Variants in SLC12A5 observed in about 807,000 individuals in gnomAD.
SLC12A5 encodes the protein solute carrier family 12 member 5.
SLC12A5 carries 18 observed loss-of-function variants against 124.0 expected under a neutral mutation model. The ratio of observed to expected loss-of-function variants is 0.15; its 90% CI spans 0.10 to 0.22. The LOEUF is 0.22. Among genes scored for constraint, SLC12A5 ranks in the 10% least tolerant of loss-of-function variants. The probability of loss-of-function intolerance (pLI) is 1.00; values close to 1 mark genes in which losing one functional copy is unlikely to be tolerated. For synonymous variants in SLC12A5, 589 were observed against 568.0 expected (o/e 1.04, Z -0.53); for missense variants, 867 against 1,478.7 (o/e 0.59, Z 6.78).
At position 46,053,504 on chromosome 20, in the gene SLC12A5, C is replaced by A; in HGVS notation, c.2548-74C>A. 4 of 1,578,766 alleles carry A rather than the reference C, an allele frequency of 2.5e-6. No homozygotes were observed. Among genetic ancestry groups the A allele is most frequent in the South Asian group, 1.1e-5 (1 of 88,852 alleles). On this transcript the variant is annotated intron_variant, in intron 19 of 25. Transcript: ENST00000243964. This position sits in a 1 kb window ranked among gnomAD's most constrained non-coding sequence, Gnocchi z 4.7. ...TGGGTGGGAAGAGGGGAAGGGTGAG[C>A]GGACAGGGCCTGGCCCTGGATCTCC...
intron 16 of SLC12A5, among the ~76,000 whole-genome samples, chr20:46,048,604 G>A (rs941211786): frequency 1.3e-5 from 2 of 152,128 alleles, no homozygotes; most frequent in Non-Finnish European, 2.9e-5. Flanking sequence ...GAGCGCGGTG[G>A]CTCATGCCTG....
At chr20:46,051,606 A>G in intron 17 of SLC12A5, 69 bp from the exon 18 acceptor site, 1 of 1,432,100 alleles carries the variant, frequency 7.0e-7, no homozygotes, top group Non-Finnish European at 9.6e-7. Flanking sequence ...GGAGGGAAGG[A>G]GGCTACAATG....
At chr20:46,024,579 G>A (rs1202377855), upstream of SLC12A5, among the ~76,000 whole-genome samples, 1 of 152,236 alleles carries the variant, frequency 6.6e-6, no homozygotes. Flanking sequence ...CTAAGACTGG[G>A]AAAGGTTGGG....
chr20:46,029,068 C>G (rs867143390), upstream of SLC12A5: 61 of 1,231,136 alleles, frequency 5.0e-5, no homozygotes, highest in Non-Finnish European at 6.1e-5. Flanking sequence ...TCTCTTCTCT[C>G]TCCCTCCCGC....
chr20:46,036,696 C>T (rs202032497), intron 4 of SLC12A5, 45 bp from the exon 5 acceptor site: 73 of 1,610,150 alleles, frequency 4.5e-5, no homozygotes, highest in African/African-American at 3.9e-4. Context: ...CAGGCCACTG[C>T]GGCCCCTACC....
chr20:46,053,479 T>G lies in SLC12A5; in HGVS notation c.2548-99T>G. On this transcript the variant is annotated intron_variant, in intron 19 of 25. Transcript: ENST00000243964. The surrounding 1 kb of genome is among the most constrained non-coding windows in gnomAD (Gnocchi z 4.7). Reference sequence around the variant, plus strand: ...GGGGTCTGCATGTATGTGTGAGGAGTGGGTGGGAAGAGGGGAAGGGTGAGC... The same window carrying G: ...GGGGTCTGCATGTATGTGTGAGGAGGGGGTGGGAAGAGGGGAAGGGTGAGC... 6.7e-7 allele frequency: 1 copy of G among 1,500,766 alleles called. No individual in the cohort carries two copies. Among genetic ancestry groups the G allele is most frequent in the Non-Finnish European group, 9.1e-7 (1 of 1,100,140 alleles). 93.0% of individuals were successfully genotyped at this position (1,500,766 alleles called of 1,614,324 possible).
At chr20:46,022,183 C>G (rs2084361876) in intron 1 of SLC12A5, 1 of 269,626 alleles carries the variant, frequency 3.7e-6, no homozygotes, top group Non-Finnish European at 6.9e-6. Flanking sequence ...ATGGAAAGGC[C>G]GGGGTCAAGG....
At chr20:46,043,597 C>T (rs769363906) in intron 9 of SLC12A5, 36 bp from the exon 10 acceptor site, 1 of 1,607,706 alleles carries the variant, frequency 6.2e-7, no homozygotes, top group South Asian at 1.1e-5. Flanking sequence ...CTCCTGTGGC[C>T]CTGGCTTGAG....
Position 46,059,339 on chromosome 20 carries a change from G to C in SLC12A5, c.*1734G>C, listed in dbSNP as rs2084730027. The C allele has an allele frequency of 5.3e-6, 2 of 377,898 alleles. No homozygotes were observed. The highest frequency in any genetic ancestry group is 9.4e-6 in the Non-Finnish European group (2 of 213,616). 23.4% of individuals were successfully genotyped at this position (377,898 alleles called of 1,614,324 possible). A position where few individuals can be genotyped will look rare whatever the true frequency, so the allele number is the denominator to read the frequency against. On this transcript the variant is annotated 3_prime_UTR_variant, in exon 26 of 26. Coordinates refer to ENST00000243964, the MANE Select transcript of SLC12A5 (RefSeq NM_020708.5). ...ACAGCGTCAGGTGTGGCTGGGGTAG[G>C]TTTGGAGGTCTGCCAGTTACACCAA... is the stretch of plus-strand genomic sequence containing the variant.
At chr20:46,040,970 A>G in intron 7 of SLC12A5, 1 of 400,324 alleles carries the variant, frequency 2.5e-6, no homozygotes, top group Non-Finnish European at 4.6e-6. Context: ...CTAGTGTTGG[A>G]CAACTCCTCC....
At chr20:46,037,119 C>A in intron 5 of SLC12A5, 136 bp from the exon 6 acceptor site, 1 of 1,312,404 alleles carries the variant, frequency 7.6e-7, no homozygotes, top group Non-Finnish European at 1.0e-6. Context: ...CTCACCAGTC[C>A]CCTTTCTAGG....
intron 14 of SLC12A5, among the ~76,000 whole-genome samples, chr20:46,046,826 G>T (rs1431966873): frequency 1.3e-5 from 2 of 152,216 alleles, no homozygotes; most frequent in Non-Finnish European, 2.9e-5. Flanking sequence ...AAATGGGCAT[G>T]ATAGCTGCAC....
chr20:46,030,067 T>C (rs2084435282), intron 1 of SLC12A5, among the ~76,000 whole-genome samples: 1 of 152,108 alleles, frequency 6.6e-6, no homozygotes, highest in East Asian at 1.9e-4. Context: ...GACCTCAGAC[T>C]GAAGCGTACT....
chr20:46,035,672 A>G lies in SLC12A5; in HGVS notation c.280-105A>G, dbSNP rs577796320. The G allele has an allele frequency of 5.2e-5, 79 of 1,508,742 alleles. 1 individual carries two copies. The highest frequency in any genetic ancestry group is 4.2e-4 in the Middle Eastern group (2 of 4,710). 93.5% of individuals were successfully genotyped at this position (1,508,742 alleles called of 1,614,324 possible). The stretch of plus-strand genomic sequence containing the variant: ...AAAGAAGAGGGATGAAGGGTTGAGA[A>G]TAGAGAGAAGAGGAAGGTGGGGGCA... On this transcript the variant is annotated intron_variant, in intron 3 of 25. Transcript: ENST00000243964.
Position 46,045,910 on chromosome 20 carries a change from G to C in SLC12A5, c.1602G>C (p.Pro534=). ...VFGHGKANGE[P]TWALLLTACI... The stretch of plus-strand genomic sequence containing the variant: ...GCCATGGCAAGGCCAATGGAGAGCC[G>C]ACCTGGGCCCTGCTCCTGACTGCCT... Residue 534 remains proline, a synonymous_variant, in exon 13 of 26, where the codon CCG becomes CCC. Coordinates refer to ENST00000243964, the MANE Select transcript of SLC12A5 (RefSeq NM_020708.5). The surrounding 1 kb of genome is among the most constrained non-coding windows in gnomAD (Gnocchi z 4.9). 1 of 1,614,164 alleles carries C rather than the reference G, an allele frequency of 6.2e-7. No individual in the cohort carries two copies. Among genetic ancestry groups the C allele is most frequent in the East Asian group, 2.2e-5 (1 of 44,884 alleles).
rs1173260206 is a variant in SLC12A5, at chr20:46,059,282, C to A, written c.*1677C>A. On this transcript the variant is annotated 3_prime_UTR_variant, in exon 26 of 26. Transcript: ENST00000243964. ...ACCTCACCACCTCTTTTCCTTTGAG[C>A]CCAAGGCAGAGCTGGAGCTGGCGCC... 1.7e-5 allele frequency: 5 copies of A among 302,750 alleles called. No homozygotes were observed. Among genetic ancestry groups the A allele is most frequent in the African/African-American group, 6.4e-5 (3 of 46,616 alleles). 18.8% of individuals were successfully genotyped at this position (302,750 alleles called of 1,614,324 possible).
chr20:46,025,896 A>G (rs766100173), upstream of SLC12A5, among the ~76,000 whole-genome samples: 15 of 152,106 alleles, frequency 9.9e-5, no homozygotes, highest in Non-Finnish European at 2.2e-4. Flanking sequence ...TGTGGGGGTA[A>G]TGCAGTGGAG....
Position 46,051,774 on chromosome 20 carries a change from G to A in SLC12A5, c.2281G>A (p.Gly761Arg), listed in dbSNP as rs2084648837. The change falls in exon 18 of 26, where the codon GGG becomes AGG. Residue 761 changes from glycine (G) to arginine (R), a missense_variant. Coordinates refer to ENST00000243964, the MANE Select transcript of SLC12A5 (RefSeq NM_020708.5). Reference protein sequence around the residue: ...RDGVSHLIQSGGLGGLQHNTV... With the variant: ...RDGVSHLIQSRGLGGLQHNTV... ...TGGCGTGTCCCATCTGATCCAGTCCGGGGGCCTCGGGGGGCTGCAGCACAA... is the reference window on the plus strand; with the variant it reads ...TGGCGTGTCCCATCTGATCCAGTCCAGGGGCCTCGGGGGGCTGCAGCACAA... 1 of 1,608,430 alleles carries A rather than the reference G, an allele frequency of 6.2e-7. No homozygotes were observed. Among genetic ancestry groups the A allele is most frequent in the South Asian group, 1.1e-5 (1 of 90,290 alleles).
At position 46,058,884 on chromosome 20, in the gene SLC12A5, C is replaced by A. The variant is rs1390828059; in HGVS notation, c.*1279C>A. The A allele has an allele frequency of 3.5e-5, 14 of 397,314 alleles. No homozygotes were observed. In the East Asian group the frequency reaches 5.0e-4, roughly 14 times the overall value. The allele number at this position is 397,314 out of a possible 1,614,324, so 24.6% of individuals were successfully genotyped here. Reference sequence around the variant, plus strand: ...CCTTCTCCGTGCTCTGGGGCCGGGCCTCGCTGCTTAGCAGCGGCCTCTAGC... The same window carrying A: ...CCTTCTCCGTGCTCTGGGGCCGGGCATCGCTGCTTAGCAGCGGCCTCTAGC... On this transcript the variant is annotated 3_prime_UTR_variant, in exon 26 of 26. Transcript: ENST00000243964. The surrounding 1 kb of genome is among the most constrained non-coding windows in gnomAD (Gnocchi z 5.8).
Sources: allele counts gnomAD v4.1 joint callset (sites outside exome capture counted in the v4.1 genomes callset), GRCh38; gene constraint gnomAD v4.1.1; non-coding constraint Gnocchi (gnomAD v3.1); transcripts MANE v1.5; gene names NCBI Gene and HGNC (gene_info 2026-07-23, HGNC 2026-07-21).